The following INPP5B variants were observed in gnomAD, a reference collection of about 807,000 sequenced individuals.
INPP5B encodes inositol polyphosphate-5-phosphatase B.
INPP5B carries 90 observed loss-of-function variants against 118.5 expected under a neutral mutation model. The ratio of observed to expected loss-of-function variants is 0.76; its 90% confidence interval spans 0.64 to 0.90. The LOEUF (loss-of-function observed/expected upper bound fraction) is 0.90, where lower values mean the gene tolerates loss of function less well. Among genes scored for constraint, INPP5B ranks in the 40% least tolerant of loss-of-function variants. The probability of loss-of-function intolerance (pLI) is 0.00; values close to 1 mark genes in which losing one functional copy is unlikely to be tolerated. For missense variants in INPP5B, 984 were observed against 1,125.6 expected, an observed-to-expected ratio of 0.87 and a Z score of 1.80; for synonymous variants, 385 against 418.9, an observed-to-expected ratio of 0.92 and a Z score of 0.99.
intron 7 of INPP5B, among the ~76,000 whole-genome samples, chr1:37,920,825 G>A (rs907664870): frequency 4.6e-5 from 7 of 151,934 alleles, no homozygotes; most frequent in African/African-American, 1.2e-4. Flanking sequence ...AGAGATCCTC[G>A]GCCAGGCGCG....
intron 7 of INPP5B, among the ~76,000 whole-genome samples, chr1:37,918,732 C>T (rs1644954842): frequency 6.6e-6 from 1 of 152,150 alleles, no homozygotes; most frequent in Non-Finnish European, 1.5e-5. Flanking sequence ...GGAAGTAATG[C>T]TACCATATTT....
chr1:37,878,985 C>T (rs923888501), intron 15 of INPP5B, among the ~76,000 whole-genome samples: 46 of 145,964 alleles, frequency 3.2e-4, no homozygotes, highest in African/African-American at 9.2e-4. Flanking sequence ...AGGCCAGGCA[C>T]GGTGGCTCAC....
intron 7 of INPP5B, among the ~76,000 whole-genome samples, chr1:37,896,516 G>A: frequency 6.8e-6 from 1 of 146,894 alleles, no homozygotes; most frequent in East Asian, 2.1e-4. Context: ...TCCGGCAGGT[G>A]AGGGGCGCCT....
chr1:37,932,358 CTTTTCTTT>C (rs1254758896), intron 6 of INPP5B, among the ~76,000 whole-genome samples: 1 of 132,194 alleles, frequency 7.6e-6, no homozygotes, highest in African/African-American at 2.8e-5. Flanking sequence ...ATTTTCTTTT[CTTTTCTTT>C]TTTTTTTTTT....
chr1:37,929,457 C>G (rs1269139971), intron 7 of INPP5B: 2 of 152,052 alleles, frequency 1.3e-5, no homozygotes, highest in Non-Finnish European at 2.9e-5. Flanking sequence ...TTTGGGTTCT[C>G]TAGGCTATCA....
intron 6 of INPP5B, among the ~76,000 whole-genome samples, chr1:37,933,705 G>A (rs1645579262): frequency 6.7e-6 from 1 of 148,538 alleles, no homozygotes; most frequent in African/African-American, 2.5e-5. Context: ...GGGTGACAGA[G>A]CTAGACTCTG....
At chr1:37,871,722 G>A in intron 19 of INPP5B, among the ~76,000 whole-genome samples, 1 of 151,682 alleles carries the variant, frequency 6.6e-6, no homozygotes, top group Non-Finnish European at 1.5e-5. Flanking sequence ...GGCCAACATG[G>A]TGAAATCCCG....
At chr1:37,943,560 C>T (rs1646011828) in intron 5 of INPP5B, 80 bp downstream of exon 5, 1 of 1,501,096 alleles carries the variant, frequency 6.7e-7, no homozygotes, top group Admixed American at 1.8e-5. Context: ...AGGGGGTGCT[C>T]TTACTTTACA....
intron 14 of INPP5B, among the ~76,000 whole-genome samples, chr1:37,880,725 G>A (rs998013158): frequency 4.7e-5 from 7 of 150,514 alleles, no homozygotes; most frequent in African/African-American, 1.7e-4. Context: ...CAGCCACAGC[G>A]CCTAGCCTAA....
At chr1:37,925,836 A>G (rs1321545017) in intron 7 of INPP5B, among the ~76,000 whole-genome samples, 1 of 152,224 alleles carries the variant, frequency 6.6e-6, no homozygotes, top group East Asian at 1.9e-4. Context: ...CAAAGAAGGA[A>G]AATGGAGAGG....
intron 16 of INPP5B, 77 bp from the exon 17 acceptor site, chr1:37,875,793 G>T: frequency 1.0e-6 from 1 of 1,001,208 alleles, no homozygotes; most frequent in Non-Finnish European, 1.6e-6. Context: ...GGCATTCACA[G>T]CACTGGGAAA....
At chr1:37,891,244 G>A (rs1643829488) in intron 8 of INPP5B, 114 bp downstream of exon 8, 2 of 566,842 alleles carry the variant, frequency 3.5e-6, no homozygotes, top group Non-Finnish European at 6.1e-6. Context: ...AAAAAAAAAG[G>A]ACACTTCCTA....
At chr1:37,944,910 C>T (rs778905921) in intron 3 of INPP5B, among the ~76,000 whole-genome samples, 1 of 152,154 alleles carries the variant, frequency 6.6e-6, no homozygotes, top group Non-Finnish European at 1.5e-5. Context: ...TGAGCTACTG[C>T]ACCTGGCCTA....
chr1:37,941,761 A>AC (rs1416979166), intron 5 of INPP5B, among the ~76,000 whole-genome samples: 1 of 143,460 alleles, frequency 7.0e-6, no homozygotes, highest in East Asian at 2.1e-4. Context: ...ACACGGTGAA[A>AC]CCCCGTCTCT....
At chr1:37,946,612 C>G (rs1034259403) in intron 1 of INPP5B, among the ~76,000 whole-genome samples, 5 of 152,138 alleles carry the variant, frequency 3.3e-5, no homozygotes, top group African/African-American at 1.2e-4. Context: ...TGTGGTCTAT[C>G]CTTGTTGGAA....
chr1:37,933,719 C>CAATAAATA (rs148542689), intron 6 of INPP5B, among the ~76,000 whole-genome samples: 223 of 138,562 alleles, frequency 1.6e-3, no homozygotes, highest in East Asian at 4.2e-3. Flanking sequence ...GACTCTGTCT[C>CAATAAATA]AATAAATAAA....
At chr1:37,923,886 CT>C (rs1645136907) in intron 7 of INPP5B, among the ~76,000 whole-genome samples, 1 of 150,894 alleles carries the variant, frequency 6.6e-6, no homozygotes, top group African/African-American at 2.4e-5. Context: ...AGTGATTCTT[CT>C]GTCTCAGCTT....
chr1:37,883,035 T>C (rs1239673123), intron 13 of INPP5B, 117 bp from the exon 14 acceptor site: 7 of 1,463,590 alleles, frequency 4.8e-6, no homozygotes, highest in East Asian at 4.9e-5. Flanking sequence ...GGTGGGAAAA[T>C]GGCTCAACTG....
Position 37,939,106 on chromosome 1 carries a change from A to G in INPP5B, c.391+1582T>C, listed in dbSNP as rs181427598. Among the ~76,000 whole-genome samples, 83 of 151,722 alleles carry G rather than the reference A, an allele frequency of 5.5e-4. 2 individuals are homozygous for G. In the Middle Eastern group the frequency reaches 0.01, roughly 19 times the overall value. On this transcript the variant is annotated intron_variant, in intron 6 of 23. Coordinates refer to ENST00000373024, the MANE Select transcript of INPP5B (RefSeq NM_005540.3). ...CTACTCGGGAGGCTGAAGCAGGAGA[A>G]TCGCTTGAACCCAGGAGGCGGAGGT...
Sources: allele counts gnomAD v4.1 joint callset (sites outside exome capture counted in the v4.1 genomes callset), GRCh38; gene constraint gnomAD v4.1.1; transcripts MANE v1.5; gene names NCBI Gene and HGNC (gene_info 2026-07-23, HGNC 2026-07-21).